Variants in SFMBT2 observed in about 807,000 individuals in gnomAD.
SFMBT2 encodes the protein scm-like with four MBT domains protein 2.
A neutral mutation model predicts 110.1 loss-of-function variants in SFMBT2; 38 were observed. The ratio of observed to expected loss-of-function variants is 0.35; its 90% CI spans 0.27 to 0.45. The LOEUF (loss-of-function observed/expected upper bound fraction) is 0.45. Ranked by LOEUF, SFMBT2 falls within the 20% of genes least tolerant of loss-of-function variation. The pLI is 1.00. For missense variants in SFMBT2, 1,011 were observed against 1,094.9 expected, an observed-to-expected ratio of 0.92 and a Z score of 1.08; for synonymous variants, 425 against 425.4, an observed-to-expected ratio of 1.00 and a Z score of 0.01.
At chr10:7,195,618 T>G (rs1838743459) in intron 15 of SFMBT2, among the ~76,000 whole-genome samples, 2 of 152,124 alleles carry the variant, frequency 1.3e-5, no homozygotes, top group Non-Finnish European at 2.9e-5. Context: ...TCTGCACATT[T>G]CAGGTGCTGT....
intron 4 of SFMBT2, chr10:7,329,653 C>T (rs1218251708): frequency 3.4e-6 from 1 of 293,432 alleles, no homozygotes; most frequent in Admixed American, 6.5e-5. Context: ...GTCTCTGCTC[C>T]ACAATAACCG....
At chr10:7,407,167 G>A (rs919873170) in intron 1 of SFMBT2, among the ~76,000 whole-genome samples, 5 of 152,100 alleles carry the variant, frequency 3.3e-5, no homozygotes, top group Non-Finnish European at 5.9e-5. Context: ...TATCTCCAGG[G>A]CGGGCCTAGG....
intron 12 of SFMBT2, chr10:7,204,889 T>A (rs1839077536): frequency 9.2e-6 from 9 of 979,372 alleles, no homozygotes; most frequent in Non-Finnish European, 1.1e-5. Flanking sequence ...AAAAAAAAAT[T>A]TTTTTTTTGC....
chr10:7,258,442 C>T (rs1215143420), intron 7 of SFMBT2, among the ~76,000 whole-genome samples: 7 of 152,138 alleles, frequency 4.6e-5, no homozygotes, highest in African/African-American at 2.4e-5. Flanking sequence ...TGTACTTACA[C>T]AAAAATACTG....
Position 7,159,935 on chromosome 10 carries a change from T to C in SFMBT2, c.*3835A>G, listed in dbSNP as rs1837507137. 6.6e-6 allele frequency: 1 copy of C among 152,070 alleles called. No individual in the cohort carries two copies. The highest frequency in any genetic ancestry group is 2.4e-5 in the African/African-American group (1 of 41,410). The allele number at this position is 152,070 out of a possible 1,614,324, so 9.4% of individuals were successfully genotyped here. ...ATACAACACTCAAAATTCTGTGAGA[T>C]AAGTTAGGGAAACGACACCCATCTT... On this transcript the variant is annotated 3_prime_UTR_variant, in exon 21 of 21. Coordinates refer to ENST00000397167, the MANE Select transcript of SFMBT2 (RefSeq NM_001387889.1).
At chr10:7,205,626 T>C (rs1839104682) in intron 12 of SFMBT2, 189 bp downstream of exon 12, 1 of 985,476 alleles carries the variant, frequency 1.0e-6, no homozygotes, top group South Asian at 4.7e-5. Flanking sequence ...TTAAAGTTTG[T>C]CAACCTGTGA....
intron 1 of SFMBT2, among the ~76,000 whole-genome samples, chr10:7,410,343 C>A (rs1846338436): frequency 6.6e-6 from 1 of 152,268 alleles, no homozygotes; most frequent in African/African-American, 2.4e-5. Context: ...TCCTCACCAT[C>A]TTTTTCTCCC....
At chr10:7,253,517 G>C (rs1840884632) in intron 7 of SFMBT2, among the ~76,000 whole-genome samples, 1 of 152,034 alleles carries the variant, frequency 6.6e-6, no homozygotes, top group Non-Finnish European at 1.5e-5. Context: ...AAGTGTTGTG[G>C]GTAAAAACAG....
intron 7 of SFMBT2, among the ~76,000 whole-genome samples, chr10:7,268,809 C>T (rs1331596058): frequency 1.3e-5 from 2 of 152,176 alleles, no homozygotes; most frequent in Non-Finnish European, 1.5e-5. Context: ...CCGCACCTGG[C>T]CTTTATCTAC....
At chr10:7,385,037 A>G (rs879900979) in intron 1 of SFMBT2, among the ~76,000 whole-genome samples, 6 of 152,348 alleles carry the variant, frequency 3.9e-5, no homozygotes, top group South Asian at 2.1e-4. Flanking sequence ...TGGAGCTTAC[A>G]GTGGGTAGCA....
chr10:7,211,234 C>T (rs541403659), intron 11 of SFMBT2, among the ~76,000 whole-genome samples: 1 of 152,108 alleles, frequency 6.6e-6, no homozygotes, highest in African/African-American at 2.4e-5. Context: ...CCTGTTAGGG[C>T]CCCATACAGT....
intron 4 of SFMBT2, among the ~76,000 whole-genome samples, chr10:7,306,212 T>C (rs1288421925): frequency 6.6e-6 from 1 of 152,218 alleles, no homozygotes; most frequent in African/African-American, 2.4e-5. Flanking sequence ...CACAGAGTGC[T>C]CTCCGGCAGG....
intron 12 of SFMBT2, chr10:7,203,191 AAG>A (rs1397031560): frequency 1.2e-6 from 1 of 859,954 alleles, no homozygotes; most frequent in African/African-American, 1.8e-5. Flanking sequence ...AAAACTTCTA[AAG>A]CTGCTAGAGT....
rs115750706 is a variant in SFMBT2 at position 7,387,053 on chromosome 10, T to C, written c.-51-5104A>G. Among the ~76,000 whole-genome samples the C allele has an allele frequency of 6.2e-3, 940 of 152,286 alleles. 8 individuals carry two copies. The highest frequency in any genetic ancestry group is 0.021 in the African/African-American group (885 of 41,546). ...ATAATGCAGCTATGACTTTTATATTTTTACTTAAATCATCGATTTTTAATA... is the reference window on the plus strand; with the variant it reads ...ATAATGCAGCTATGACTTTTATATTCTTACTTAAATCATCGATTTTTAATA... On this transcript the variant is annotated intron_variant, in intron 1 of 20. Coordinates refer to ENST00000397167, the MANE Select transcript of SFMBT2 (RefSeq NM_001387889.1).
chr10:7,189,274 T>C, intron 15 of SFMBT2: 1 of 676,568 alleles, frequency 1.5e-6, no homozygotes, highest in Non-Finnish European at 1.8e-6. Flanking sequence ...CTCTGAAATG[T>C]GAATATTTTA....
At chr10:7,203,364 C>A (rs534459932) in intron 12 of SFMBT2, 15 of 164,096 alleles carry the variant, frequency 9.1e-5, no homozygotes, top group African/African-American at 3.6e-4. Context: ...GACTTAGGAT[C>A]TCTCAGGTGA....
intron 4 of SFMBT2, among the ~76,000 whole-genome samples, chr10:7,318,440 T>G (rs1232104910): frequency 1.3e-5 from 2 of 152,222 alleles, no homozygotes; most frequent in Non-Finnish European, 2.9e-5. Context: ...TGTCCCCACT[T>G]AGAAATACAT....
At chr10:7,256,436 A>T (rs1841010012) in intron 7 of SFMBT2, among the ~76,000 whole-genome samples, 1 of 152,258 alleles carries the variant, frequency 6.6e-6, no homozygotes, top group Non-Finnish European at 1.5e-5. Context: ...TTTGCTGTTA[A>T]TTCCTCGCAC....
intron 4 of SFMBT2, among the ~76,000 whole-genome samples, chr10:7,364,289 T>C (rs184815549): frequency 2.7e-4 from 41 of 152,370 alleles, no homozygotes; most frequent in Non-Finnish European, 5.4e-4. Flanking sequence ...TTGTTAACAA[T>C]TGAAAAGACT....
Sources: gnomAD v4.1 joint callset for allele counts (sites outside exome capture counted in the v4.1 genomes callset) on GRCh38, gnomAD v4.1.1 for gene constraint, MANE v1.5 for transcripts, NCBI Gene and HGNC (gene_info 2026-07-23, HGNC 2026-07-21) for gene names.